The following ABCC11 variants were observed in gnomAD, a reference collection of about 807,000 sequenced individuals.
ABCC11 encodes the protein ATP-binding cassette sub-family C member 11.
Under a neutral mutation model 149.3 loss-of-function variants are expected in ABCC11, and 135 were observed. The observed-to-expected ratio is 0.90, with a 90% confidence interval of 0.79 to 1.04. The LOEUF (loss-of-function observed/expected upper bound fraction) is 1.04, where lower values mean the gene tolerates loss of function less well. ABCC11 is among the 50% of genes least tolerant of loss of function. The probability of loss-of-function intolerance (pLI) is 0.00; values close to 1 mark genes in which losing one functional copy is unlikely to be tolerated. For missense variants in ABCC11, 1,680 were observed against 1,722.1 expected, an observed-to-expected ratio of 0.98 and a Z score of 0.43; for synonymous variants, 665 against 671.4, an observed-to-expected ratio of 0.99 and a Z score of 0.15.
intron 12 of ABCC11, among the ~76,000 whole-genome samples, chr16:48,205,906 G>A (rs1199038031): frequency 6.6e-6 from 1 of 151,920 alleles, no homozygotes; most frequent in Admixed American, 6.6e-5. Flanking sequence ...CACCTCCCGG[G>A]TTCACACCAT....
intron 6 of ABCC11, 96 bp downstream of exon 6, chr16:48,222,502 T>C (rs1969809178): frequency 2.0e-6 from 2 of 1,014,858 alleles, no homozygotes; most frequent in Non-Finnish European, 3.0e-6. Context: ...CTTCCTCTTC[T>C]AACCCCCTTT....
chr16:48,215,737 T>C (rs1216412044), intron 7 of ABCC11, among the ~76,000 whole-genome samples: 1 of 152,238 alleles, frequency 6.6e-6, no homozygotes, highest in Non-Finnish European at 1.5e-5. Flanking sequence ...GCAACAAATA[T>C]GCTTCCCTTT....
At chr16:48,171,032 G>T in intron 26 of ABCC11, 65 bp from the exon 27 acceptor site, 1 of 1,338,700 alleles carries the variant, frequency 7.5e-7, no homozygotes, top group Non-Finnish European at 1.1e-6. Context: ...TCATTTATAT[G>T]CCCAGTGAAT....
chr16:48,205,315 A>G (rs926046412), intron 13 of ABCC11, 98 bp downstream of exon 13: 1 of 1,515,820 alleles, frequency 6.6e-7, no homozygotes, highest in Non-Finnish European at 9.0e-7. Flanking sequence ...AGTGGAGCAC[A>G]CAAGTGTTAG....
intron 9 of ABCC11, among the ~76,000 whole-genome samples, chr16:48,214,259 A>C: frequency 6.8e-6 from 1 of 146,914 alleles, no homozygotes; most frequent in Non-Finnish European, 1.5e-5. Context: ...CGCCCCCAAC[A>C]CCCTCAGACT....
intron 12 of ABCC11, among the ~76,000 whole-genome samples, chr16:48,208,188 C>T (rs765994434): frequency 2.0e-5 from 3 of 152,110 alleles, no homozygotes; most frequent in Non-Finnish European, 4.4e-5. Context: ...GACAGGTCTC[C>T]AGGTGACATA....
intron 12 of ABCC11, among the ~76,000 whole-genome samples, chr16:48,205,835 G>T (rs1347318980): frequency 1.4e-5 from 2 of 146,962 alleles, no homozygotes; most frequent in African/African-American, 5.0e-5. Context: ...TTTTGAGACG[G>T]AGTCTCGCTC....
chr16:48,235,895 G>T (rs889547722), intron 1 of ABCC11, among the ~76,000 whole-genome samples: 1 of 152,164 alleles, frequency 6.6e-6, no homozygotes, highest in Admixed American at 6.6e-5. Flanking sequence ...GAACAGGAGG[G>T]GAGCCACTGG....
At chr16:48,202,466 C>T (rs969338083) in intron 14 of ABCC11, among the ~76,000 whole-genome samples, 1 of 151,956 alleles carries the variant, frequency 6.6e-6, no homozygotes, top group Non-Finnish European at 1.5e-5. Flanking sequence ...CAAAAATTAG[C>T]CGGGCCTGGA....
rs199620156 is a variant in ABCC11, at chr16:48,224,421, C to T, written c.404G>A (p.Arg135His). The T allele has an allele frequency of 3.1e-5, 50 of 1,614,002 alleles. No homozygotes were observed. The highest frequency in any genetic ancestry group is 3.8e-5 in the Non-Finnish European group (45 of 1,179,954). Residue 135 changes from arginine (R) to histidine (H), a missense_variant, in exon 5 of 30, where the codon CGC becomes CAC. Coordinates refer to ENST00000356608, the MANE Select transcript of ABCC11 (RefSeq NM_001370497.1). Reference protein sequence around the residue: ...ASDKNVQRLHRLWEEEVSRRG... With the variant: ...ASDKNVQRLHHLWEEEVSRRG... ...CCTTGAGACTTCTTCTTCCCAAAGG[C>T]GGTGAAGCCTTGAAAAGAGGATAAT...
intron 4 of ABCC11, among the ~76,000 whole-genome samples, chr16:48,227,550 T>C (rs1177239485): frequency 6.6e-6 from 1 of 151,676 alleles, no homozygotes; most frequent in Non-Finnish European, 1.5e-5. Context: ...ACAAGCCTTG[T>C]GGTAAGTCTG....
At chr16:48,241,807 T>C (rs538106242) in intron 1 of ABCC11, among the ~76,000 whole-genome samples, 91 of 152,330 alleles carry the variant, frequency 6.0e-4, no homozygotes, top group African/African-American at 2.0e-3. Context: ...GGATTCCCTA[T>C]TTAATAAATG....
Position 48,167,542 on chromosome 16 carries a change from G to A in ABCC11, c.4010C>T (p.Thr1337Ile). 1 of 1,614,168 alleles carries A rather than the reference G, an allele frequency of 6.2e-7. No homozygotes were observed. The highest frequency in any genetic ancestry group is 8.5e-7 in the Non-Finnish European group (1 of 1,180,028). ...GATGTGGTCACAGTTCAGCACAGTGGTGACACGGTGGGCAATGACGAGCAC... is the reference window on the plus strand; with the variant it reads ...GATGTGGTCACAGTTCAGCACAGTGATGACACGGTGGGCAATGACGAGCAC... ...CTVLVIAHRV[T>I]TVLNCDHILV... The change falls in exon 29 of 30, where the codon ACC (threonine) becomes ATC (isoleucine). Residue 1337 changes from threonine (T) to isoleucine (I), a missense_variant. Physicochemically the swap from Thr to Ile is moderately conservative, Grantham distance 89 (BLOSUM62 -1). Coordinates refer to ENST00000356608, the MANE Select transcript of ABCC11 (RefSeq NM_001370497.1).
intron 1 of ABCC11, chr16:48,244,761 A>C (rs1010706302): frequency 9.7e-6 from 5 of 517,056 alleles, no homozygotes; most frequent in Non-Finnish European, 1.6e-5. Flanking sequence ...TGGTGCTATC[A>C]CTTGCAAAAT....
intron 24 of ABCC11, among the ~76,000 whole-genome samples, chr16:48,177,837 G>A (rs1441880461): frequency 1.3e-5 from 2 of 152,202 alleles, no homozygotes; most frequent in Non-Finnish European, 2.9e-5. Flanking sequence ...AGGAGACCTG[G>A]TTTGTAGAGG....
chr16:48,169,291 C>T (rs773876124), intron 28 of ABCC11, among the ~76,000 whole-genome samples: 2 of 152,182 alleles, frequency 1.3e-5, no homozygotes, highest in Admixed American at 1.3e-4. Context: ...TATCAGGCAG[C>T]CTAGGCTGTG....
chr16:48,212,143 G>C (rs893192707), intron 10 of ABCC11, among the ~76,000 whole-genome samples: 12 of 152,184 alleles, frequency 7.9e-5, no homozygotes. Context: ...AAGCGCACTG[G>C]GCTGGTGATA....
intron 15 of ABCC11, 115 bp downstream of exon 15, chr16:48,200,156 TCTAAC>T: frequency 2.8e-6 from 3 of 1,084,460 alleles, no homozygotes; most frequent in Non-Finnish European, 1.3e-6. Flanking sequence ...TGTGGAGGAG[TCTAAC>T]CTGAGATGAG....
At chr16:48,207,527 C>T (rs575147950) in intron 12 of ABCC11, among the ~76,000 whole-genome samples, 2 of 152,102 alleles carry the variant, frequency 1.3e-5, no homozygotes, top group Admixed American at 1.3e-4. Flanking sequence ...ATTAGCTGGG[C>T]ATGGTGGCGC....
Sources: gnomAD v4.1 joint callset for allele counts (sites outside exome capture counted in the v4.1 genomes callset) on GRCh38, gnomAD v4.1.1 for gene constraint, MANE v1.5 for transcripts, NCBI Gene and HGNC (gene_info 2026-07-23, HGNC 2026-07-21) for gene names.